The following LRRC1 variants were observed in gnomAD, a reference collection of about 807,000 sequenced individuals.
The protein encoded by LRRC1 is leucine rich repeat containing 1.
A neutral mutation model predicts 69.9 loss-of-function variants in LRRC1; 28 were observed. That is an observed-to-expected ratio of 0.40 (90% CI 0.30 to 0.55). LRRC1 has a LOEUF of 0.55. Ranked by LOEUF, LRRC1 falls within the 20% of genes least tolerant of loss-of-function variation. The pLI is 0.47. For synonymous variants in LRRC1, 236 were observed against 240.2 expected (o/e 0.98, Z 0.16); for missense variants, 498 against 609.0 (o/e 0.82, Z 1.92).
At chr6:53,854,454 C>G (rs913684254) in intron 2 of LRRC1, among the ~76,000 whole-genome samples, 1 of 152,162 alleles carries the variant, frequency 6.6e-6, no homozygotes, top group African/African-American at 2.4e-5. Flanking sequence ...TCCTTCTCAT[C>G]AACATATTTA....
Position 53,813,103 on chromosome 6 carries a change from G to A in LRRC1, c.159+17688G>A, listed in dbSNP as rs929756499. On this transcript the variant is annotated intron_variant, in intron 1 of 13. Coordinates refer to ENST00000370888, the MANE Select transcript of LRRC1 (RefSeq NM_018214.5). ...GGATGCTGTACAGAGAGAGAGAAGG[G>A]AGTTCCAGAAGGAATGGGTGGGCAG... Among the ~76,000 whole-genome samples the A allele has an allele frequency of 4.6e-5, 7 of 152,210 alleles. No individual in the cohort carries two copies. In the South Asian group the frequency reaches 1.5e-3, roughly 32 times the overall value.
At chr6:53,821,604 C>A (rs984297602) in intron 1 of LRRC1, among the ~76,000 whole-genome samples, 7 of 152,102 alleles carry the variant, frequency 4.6e-5, no homozygotes, top group Admixed American at 1.3e-4. Context: ...TGTTTTTATC[C>A]TCATTTGCTC....
chr6:53,808,632 A>C (rs1051611940), intron 1 of LRRC1, among the ~76,000 whole-genome samples: 1 of 152,134 alleles, frequency 6.6e-6, no homozygotes, highest in Non-Finnish European at 1.5e-5. Context: ...GCTACTAAGC[A>C]GAGTAGCAGA....
chr6:53,859,663 T>A (rs1002060188), intron 2 of LRRC1, among the ~76,000 whole-genome samples: 1 of 152,190 alleles, frequency 6.6e-6, no homozygotes, highest in Non-Finnish European at 1.5e-5. Flanking sequence ...ACCAGGCCAT[T>A]GTGACACCAA....
chr6:53,873,546 G>A (rs1323910568), intron 2 of LRRC1, among the ~76,000 whole-genome samples: 3 of 151,406 alleles, frequency 2.0e-5, no homozygotes, highest in East Asian at 3.9e-4. Flanking sequence ...TGATCTGCCC[G>A]CCTCAGCCTC....
chr6:53,901,959 TCAGTAGAGAATGA>T (rs1160826763), intron 8 of LRRC1, among the ~76,000 whole-genome samples: 5 of 152,232 alleles, frequency 3.3e-5, no homozygotes, highest in African/African-American at 1.2e-4. Context: ...TGTTAGCCAC[TCAGTAGAGAATGA>T]AGGGCGCCTG....
At chr6:53,861,590 TTA>T (rs1766523534) in intron 2 of LRRC1, among the ~76,000 whole-genome samples, 1 of 151,606 alleles carries the variant, frequency 6.6e-6, no homozygotes, top group Non-Finnish European at 1.5e-5. Flanking sequence ...TAACCAGTGG[TTA>T]TATTAAACCT....
chr6:53,844,216 A>G (rs1361127484), intron 2 of LRRC1, among the ~76,000 whole-genome samples: 1 of 150,864 alleles, frequency 6.6e-6, no homozygotes, highest in Non-Finnish European at 1.5e-5. Flanking sequence ...TACCTAAGTT[A>G]TAAAGAATGA....
chr6:53,841,695 TA>T (rs1053611296), intron 1 of LRRC1, among the ~76,000 whole-genome samples: 9 of 152,178 alleles, frequency 5.9e-5, no homozygotes, highest in South Asian at 2.1e-4. Flanking sequence ...ATAATTTCTT[TA>T]AAAAATGTCT....
chr6:53,892,011 TACACACACACACACACAC>T (rs70980877), intron 4 of LRRC1, among the ~76,000 whole-genome samples: 1 of 135,340 alleles, frequency 7.4e-6, no homozygotes, highest in Non-Finnish European at 1.5e-5. Flanking sequence ...TATATATATA[TACACACACACACACACAC>T]ACACACACAC....
At chr6:53,830,808 CCATTATCTTCAATGG>C (rs1214015384) in intron 1 of LRRC1, among the ~76,000 whole-genome samples, 4 of 151,022 alleles carry the variant, frequency 2.6e-5, no homozygotes, top group African/African-American at 9.7e-5. Flanking sequence ...ACGGTTTTTG[CCATTATCTTCAATGG>C]CATTATTCAA....
chr6:53,898,473 T>A (rs1767943083), intron 7 of LRRC1, among the ~76,000 whole-genome samples: 1 of 152,252 alleles, frequency 6.6e-6, no homozygotes, highest in Admixed American at 6.5e-5. Flanking sequence ...TATGTTCAGA[T>A]GTGTGTAAAT....
intron 10 of LRRC1, among the ~76,000 whole-genome samples, chr6:53,912,171 G>C (rs1179350880): frequency 1.3e-5 from 2 of 152,206 alleles, no homozygotes; most frequent in Admixed American, 6.5e-5. Context: ...CAAGTACCTT[G>C]AGTGTACATA....
At chr6:53,827,686 A>G (rs1450209039) in intron 1 of LRRC1, among the ~76,000 whole-genome samples, 1 of 152,160 alleles carries the variant, frequency 6.6e-6, no homozygotes, top group Non-Finnish European at 1.5e-5. Flanking sequence ...CAGAAAGGCC[A>G]TGGATATTTG....
chr6:53,867,622 G>C (rs1046584294), intron 2 of LRRC1, among the ~76,000 whole-genome samples: 14 of 152,006 alleles, frequency 9.2e-5, no homozygotes, highest in African/African-American at 2.9e-4. Context: ...AGCCCAATTT[G>C]AATTAATGAA....
intron 1 of LRRC1, among the ~76,000 whole-genome samples, chr6:53,835,229 A>G (rs79928729): frequency 0.19 from 29,286 of 152,200 alleles, 3,010 homozygotes; most frequent in Middle Eastern, 0.33. Flanking sequence ...TCCTTTAGCC[A>G]TCGTTTTCCA....
At chr6:53,799,752 T>G (rs1764411306) in intron 1 of LRRC1, among the ~76,000 whole-genome samples, 1 of 152,198 alleles carries the variant, frequency 6.6e-6, no homozygotes, top group Admixed American at 6.5e-5. Context: ...TAATTTAGGT[T>G]TCATATTGCA....
intron 2 of LRRC1, among the ~76,000 whole-genome samples, chr6:53,850,923 G>T (rs560094312): frequency 2.0e-5 from 3 of 152,162 alleles, no homozygotes; most frequent in African/African-American, 7.2e-5. Flanking sequence ...AAATTTTTAC[G>T]AACTATGCCA....
At chr6:53,896,673 C>CAG in intron 5 of LRRC1, 119 bp downstream of exon 5, 1 of 1,067,920 alleles carries the variant, frequency 9.4e-7, no homozygotes, top group South Asian at 1.4e-5. Flanking sequence ...TGGGGGATGC[C>CAG]AGCCGGCCTT....
Sources: gnomAD v4.1 joint callset for allele counts (sites outside exome capture counted in the v4.1 genomes callset) on GRCh38, gnomAD v4.1.1 for gene constraint, MANE v1.5 for transcripts, NCBI Gene and HGNC (gene_info 2026-07-23, HGNC 2026-07-21) for gene names.